The following SCUBE1 variants were observed in gnomAD, a reference collection of about 807,000 sequenced individuals.
SCUBE1 encodes the protein signal peptide, CUB domain and EGF like domain containing 1, also known as signal peptide, CUB and EGF-like domain-containing protein 1.
In SCUBE1, 59 loss-of-function variants were observed where a neutral mutation model predicts 124.4. That is an observed-to-expected ratio of 0.47 (90% CI 0.38 to 0.59). SCUBE1 has a LOEUF of 0.59. SCUBE1 is among the 20% of genes least tolerant of loss of function. The pLI is 0.00. For missense variants in SCUBE1, 1,150 were observed against 1,371.2 expected (o/e 0.84, Z 2.55); for synonymous variants, 545 against 550.9 (o/e 0.99, Z 0.15).
intron 6 of SCUBE1, among the ~76,000 whole-genome samples, chr22:43,253,805 C>T (rs1008699577): frequency 6.6e-6 from 1 of 152,352 alleles, no homozygotes; most frequent in East Asian, 1.9e-4. Context: ...TCGCGGGGTA[C>T]CTAAGGGGCC....
At chr22:43,206,590 G>A (rs1324157727) in intron 21 of SCUBE1, among the ~76,000 whole-genome samples, 3 of 151,908 alleles carry the variant, frequency 2.0e-5, no homozygotes, top group African/African-American at 7.3e-5. Flanking sequence ...CGGGCAGGCC[G>A]CCCAGAGTAC....
At chr22:43,314,518 C>G (rs1441692370) in intron 3 of SCUBE1, among the ~76,000 whole-genome samples, 1 of 152,102 alleles carries the variant, frequency 6.6e-6, no homozygotes, top group Admixed American at 6.5e-5. Flanking sequence ...AAGGGGTCCA[C>G]AGGGGAGTCA....
intron 4 of SCUBE1, among the ~76,000 whole-genome samples, chr22:43,281,514 A>AGCCACCCTCCTGTCACCTCCCTCTTTG (rs1924881601): frequency 3.9e-5 from 2 of 51,420 alleles, no homozygotes; most frequent in Non-Finnish European, 6.8e-5. Context: ...CCTCCTCCTC[A>AGCCACCCTCCTGTCACCTCCCTCTTTG]GCCACCCTCC....
At chr22:43,340,153 C>T (rs183894138) in intron 1 of SCUBE1, among the ~76,000 whole-genome samples, 8 of 151,978 alleles carry the variant, frequency 5.3e-5, no homozygotes, top group Non-Finnish European at 7.4e-5. Context: ...TGTGGAAACA[C>T]GGGATTCATC....
intron 3 of SCUBE1, among the ~76,000 whole-genome samples, chr22:43,307,095 C>T (rs1306316426): frequency 6.6e-6 from 1 of 152,246 alleles, no homozygotes; most frequent in Admixed American, 6.5e-5. Flanking sequence ...CCTTTGCAGG[C>T]CTTGGATAAA....
intron 3 of SCUBE1, among the ~76,000 whole-genome samples, chr22:43,294,395 C>T (rs115733802): frequency 0.011 from 1,710 of 152,128 alleles, 37 homozygotes; most frequent in African/African-American, 0.039. Flanking sequence ...TGTGAGATGC[C>T]GCCCATGAGC....
intron 4 of SCUBE1, among the ~76,000 whole-genome samples, chr22:43,268,668 G>C (rs1924170617): frequency 6.6e-6 from 1 of 152,256 alleles, no homozygotes; most frequent in Non-Finnish European, 1.5e-5. Context: ...ACGTAGAATT[G>C]GACAGTAGTA....
chr22:43,319,333 G>A (rs1404869553), intron 3 of SCUBE1, among the ~76,000 whole-genome samples: 3 of 152,072 alleles, frequency 2.0e-5, no homozygotes, highest in African/African-American at 4.8e-5. Context: ...TTGGGAAGCC[G>A]AAGCAGGCGG....
chr22:43,229,180 C>T lies in SCUBE1; in HGVS notation c.976G>A (p.Glu326Lys), dbSNP rs370710547. 5.0e-6 allele frequency: 8 copies of T among 1,606,148 alleles called. No homozygotes were observed. The highest frequency in any genetic ancestry group is 2.7e-5 in the African/African-American group (2 of 74,530). The change falls in exon 9 of 22, where the codon GAG becomes AAG. Residue 326 changes from glutamate (E) to lysine (K), a missense_variant. Coordinates refer to ENST00000360835, the MANE Select transcript of SCUBE1 (RefSeq NM_173050.5). ...TDERTCQDID[E>K]CSFERTCDHI... ...TCACAGGTCCGCTCGAAGGAGCACT[C>T]GTCGATGTCTGCGTGGCCACAGGGA...
chr22:43,279,205 C>T (rs538428753), intron 4 of SCUBE1, among the ~76,000 whole-genome samples: 13 of 152,248 alleles, frequency 8.5e-5, no homozygotes, highest in African/African-American at 2.9e-4. Flanking sequence ...AAACCTGTAC[C>T]CTAAAACTCT....
chr22:43,220,431 A>G lies in SCUBE1; in HGVS notation c.1687+19T>C. 1 of 1,611,436 alleles carries G rather than the reference A, an allele frequency of 6.2e-7. No individual in the cohort carries two copies. Among genetic ancestry groups the G allele is most frequent in the Non-Finnish European group, 8.5e-7 (1 of 1,178,294 alleles). On this transcript the variant is annotated intron_variant, in intron 14 of 21. Transcript: ENST00000360835. Reference sequence around the variant, plus strand: ...CTCCTTCAGGCCTGCAGAAGCCCCCAGGAGAACCCCTCACCTACCTGAGGC... The same window carrying G: ...CTCCTTCAGGCCTGCAGAAGCCCCCGGGAGAACCCCTCACCTACCTGAGGC...
At chr22:43,276,346 G>A (rs1018892381) in intron 4 of SCUBE1, among the ~76,000 whole-genome samples, 6 of 152,168 alleles carry the variant, frequency 3.9e-5, no homozygotes, top group Non-Finnish European at 8.8e-5. Context: ...AAGGGAAGAA[G>A]TCCCATGGGA....
At chr22:43,336,514 AAAGAACC>A (rs1927086269) in intron 2 of SCUBE1, among the ~76,000 whole-genome samples, 3 of 152,228 alleles carry the variant, frequency 2.0e-5, no homozygotes, top group Admixed American at 1.3e-4. Context: ...TACAAATGTA[AAAGAACC>A]TCTAATTGAG....
At chr22:43,294,884 A>G (rs1439108475) in intron 3 of SCUBE1, among the ~76,000 whole-genome samples, 2 of 152,298 alleles carry the variant, frequency 1.3e-5, no homozygotes, top group South Asian at 2.1e-4. Flanking sequence ...CCTCACTACC[A>G]TAAATAACGG....
rs1921494378 is a variant in SCUBE1 at position 43,210,421 on chromosome 22, A to G, written c.2384-181T>C. Among the ~76,000 whole-genome samples, 1 of 152,000 alleles carries G rather than the reference A, an allele frequency of 6.6e-6. No homozygotes were observed. Among genetic ancestry groups the G allele is most frequent in the African/African-American group, 2.4e-5 (1 of 41,362 alleles). Reference sequence around the variant, plus strand: ...GGGACCCTGCCTGGGCTGCCCCCAGAGCAGGAGGGCAGGTCCCCTGTTCAG... The same window carrying G: ...GGGACCCTGCCTGGGCTGCCCCCAGGGCAGGAGGGCAGGTCCCCTGTTCAG... On this transcript the variant is annotated intron_variant, in intron 18 of 21. Coordinates refer to ENST00000360835, the MANE Select transcript of SCUBE1 (RefSeq NM_173050.5). This position sits in a 1 kb window ranked among gnomAD's most constrained non-coding sequence, Gnocchi z 4.5.
In SCUBE1 at chr22:43,258,040, A is replaced by G. The variant is rs370563165; in HGVS notation, c.727+179T>C. Reference sequence around the variant, plus strand: ...GCAGGCCCCAGAGAAGCCTCCCCAGAAAGCCTCCCCAGGGGCGCCGGCCAT... The same window carrying G: ...GCAGGCCCCAGAGAAGCCTCCCCAGGAAGCCTCCCCAGGGGCGCCGGCCAT... On this transcript the variant is annotated intron_variant, in intron 6 of 21. Transcript: ENST00000360835. The surrounding 1 kb of genome is among the most constrained non-coding windows in gnomAD (Gnocchi z 5.0). Among the ~76,000 whole-genome samples, 45 of 151,596 alleles carry G rather than the reference A, an allele frequency of 3.0e-4. No homozygotes were observed. The highest frequency in any genetic ancestry group is 1.1e-3 in the African/African-American group (44 of 40,900).
At chr22:43,235,202 G>C (rs1414756803) in intron 7 of SCUBE1, among the ~76,000 whole-genome samples, 2 of 152,212 alleles carry the variant, frequency 1.3e-5, no homozygotes, top group African/African-American at 4.8e-5. Context: ...TGAGGGAAGG[G>C]TGGGGTCTTG....
chr22:43,340,360 A>G (rs913465941), intron 1 of SCUBE1, among the ~76,000 whole-genome samples: 4 of 151,814 alleles, frequency 2.6e-5, no homozygotes, highest in Non-Finnish European at 5.9e-5. Context: ...GACACTCTCT[A>G]CCTCCTGCCC....
In SCUBE1 at chr22:43,223,167, C is replaced by T. The variant is rs1277814855; in HGVS notation, c.1257G>A (p.Leu419=). ...SRAKTSPRAQ[L]SCSKAGGVES... is the part of the protein sequence containing the mutation. ...CCACACCGCCTGCCTTGCTGCAGGA[C>T]AGCTGGGCCCGGGGGGAGGTCTTGG... is the stretch of plus-strand genomic sequence containing the variant. The change falls in exon 11 of 22, where the codon CTG becomes CTA. Residue 419 remains leucine (L), a synonymous_variant. Coordinates refer to ENST00000360835, the MANE Select transcript of SCUBE1 (RefSeq NM_173050.5). 1 of 1,570,020 alleles carries T rather than the reference C, an allele frequency of 6.4e-7. No individual in the cohort carries two copies. Among genetic ancestry groups the T allele is most frequent in the Non-Finnish European group, 8.6e-7 (1 of 1,166,932 alleles).
Sources: allele counts gnomAD v4.1 joint callset (sites outside exome capture counted in the v4.1 genomes callset), GRCh38; gene constraint gnomAD v4.1.1; non-coding constraint Gnocchi (gnomAD v3.1); transcripts MANE v1.5; gene names NCBI Gene and HGNC (gene_info 2026-07-23, HGNC 2026-07-21).